The following SEC22C variants were observed in gnomAD, a reference collection of about 807,000 sequenced individuals.
The protein encoded by SEC22C is SEC22 homolog C, vesicle trafficking protein, also known as vesicle-trafficking protein SEC22c.
In SEC22C, 29 loss-of-function variants were observed where a neutral mutation model predicts 34.7. That is an observed-to-expected ratio of 0.84 (90% CI 0.62 to 1.14). The LOEUF is 1.14. Ranked by LOEUF, SEC22C falls within the 50% of genes most tolerant of loss-of-function variation. The pLI, the probability that SEC22C is intolerant of heterozygous loss-of-function variation, is 0.00. For synonymous variants in SEC22C, 117 were observed against 132.8 expected, an observed-to-expected ratio of 0.88 and a Z score of 0.82; for missense variants, 337 against 369.0, an observed-to-expected ratio of 0.91 and a Z score of 0.71.
chr3:42,571,916 C>T (rs977753796), intron 1 of SEC22C, among the ~76,000 whole-genome samples: 1 of 152,132 alleles, frequency 6.6e-6, no homozygotes, highest in African/African-American at 2.4e-5. Context: ...ACCTGTAATC[C>T]CAGCTACTCA....
At chr3:42,591,444 C>T (rs1704836424) in intron 1 of SEC22C, 16 of 982,214 alleles carry the variant, frequency 1.6e-5, no homozygotes, top group Non-Finnish European at 2.6e-5. Context: ...CCGCCTAGAT[C>T]GGCCTCCCAA....
At position 42,552,324 on chromosome 3, in the gene SEC22C, A is replaced by G. The variant is rs1369791211; in HGVS notation, c.*924T>C. 1 of 985,302 alleles carries G rather than the reference A, an allele frequency of 1.0e-6. No homozygotes were observed. The highest frequency in any genetic ancestry group is 1.2e-6 in the Non-Finnish European group (1 of 829,932). The allele number at this position is 985,302 out of a possible 1,614,324, so 61.0% of individuals were successfully genotyped here. A position where few individuals can be genotyped will look rare whatever the true frequency, so the allele number is the denominator to read the frequency against. On this transcript the variant is annotated 3_prime_UTR_variant, in exon 7 of 7. Coordinates refer to ENST00000264454, the MANE Select transcript of SEC22C (RefSeq NM_032970.4). Reference sequence around the variant, plus strand: ...CAGGGTACAGTAGTCATCATCATTAAAACAACAGGCACTCAGCTCTACTGA... The same window carrying G: ...CAGGGTACAGTAGTCATCATCATTAGAACAACAGGCACTCAGCTCTACTGA...
chr3:42,588,362 A>C (rs1704693433), intron 1 of SEC22C, among the ~76,000 whole-genome samples: 2 of 152,090 alleles, frequency 1.3e-5, no homozygotes, highest in African/African-American at 4.8e-5. Flanking sequence ...CTGAGATTGC[A>C]CCAATGCACT....
At chr3:42,583,479 A>C (rs1704501488), upstream of SEC22C, among the ~76,000 whole-genome samples, 1 of 152,232 alleles carries the variant, frequency 6.6e-6, no homozygotes, top group Non-Finnish European at 1.5e-5. Flanking sequence ...ACACTGGAAG[A>C]GGAGATAAGA....
intron 1 of SEC22C, among the ~76,000 whole-genome samples, chr3:42,578,873 C>T (rs549116096): frequency 8.9e-4 from 136 of 152,172 alleles, no homozygotes; most frequent in Non-Finnish European, 1.6e-3. Context: ...CTGAAGGGCA[C>T]ACTTTATAGT....
intron 2 of SEC22C, 150 bp from the exon 3 acceptor site, chr3:42,563,836 C>G: frequency 6.6e-7 from 1 of 1,520,890 alleles, no homozygotes; most frequent in Non-Finnish European, 8.8e-7. Flanking sequence ...CTCTTCAGTT[C>G]GACCTATTCC....
intron 1 of SEC22C, chr3:42,579,720 C>T (rs986349637): frequency 2.0e-5 from 3 of 152,250 alleles, no homozygotes; most frequent in African/African-American, 7.2e-5. Flanking sequence ...CCAGATCTTA[C>T]CAGATCCTTC....
At chr3:42,554,813 C>A (rs1303112391) in intron 6 of SEC22C, among the ~76,000 whole-genome samples, 1 of 152,186 alleles carries the variant, frequency 6.6e-6, no homozygotes. Flanking sequence ...CACGCTTTCA[C>A]TAGAATTAAC....
intron 1 of SEC22C, chr3:42,573,693 T>C (rs1345119187): frequency 6.6e-6 from 1 of 152,004 alleles, no homozygotes; most frequent in Non-Finnish European, 1.5e-5. Flanking sequence ...AAGTAATTAA[T>C]TAACTAAAGT....
At chr3:42,582,711 T>C (rs1460745001), upstream of SEC22C, among the ~76,000 whole-genome samples, 1 of 152,052 alleles carries the variant, frequency 6.6e-6, no homozygotes, top group Non-Finnish European at 1.5e-5. Context: ...TTTGGGAGAA[T>C]TTACAGAAGC....
In SEC22C at chr3:42,551,188, C is replaced by G; in HGVS notation, c.*2060G>C. 3 of 985,390 alleles carry G rather than the reference C, an allele frequency of 3.0e-6. No individual in the cohort carries two copies. The highest frequency in any genetic ancestry group is 3.6e-6 in the Non-Finnish European group (3 of 829,920). 61.0% of individuals were successfully genotyped at this position (985,390 alleles called of 1,614,324 possible). A position where few individuals can be genotyped will look rare whatever the true frequency, so the allele number is the denominator to read the frequency against. ...TCATTTAAAACATTTTACCTCCCCT[C>G]CTTAACTTCCCATTCTATTTCACCA... On this transcript the variant is annotated 3_prime_UTR_variant, in exon 7 of 7. Coordinates refer to ENST00000264454, the MANE Select transcript of SEC22C (RefSeq NM_032970.4).
rs774859518 is a variant in SEC22C at position 42,553,308 on chromosome 3, C to T, written c.852G>A (p.Leu284=). ...GCCTTGTTAGTATCTGATATGAAGA[C>T]AGAAAAGCCACTCCTATGTGGAAAA... is the stretch of plus-strand genomic sequence containing the variant. The part of the protein sequence containing the change: ...QILFHIGVAF[L]SSYQILTRQL... The change falls in exon 7 of 7, where the codon CTG becomes CTA. Residue 284 remains leucine (L), a synonymous_variant. Coordinates refer to ENST00000264454, the MANE Select transcript of SEC22C (RefSeq NM_032970.4). 2.5e-6 allele frequency: 4 copies of T among 1,614,144 alleles called. No homozygotes were observed. The South Asian group carries it at 4.4e-5, about 18-fold the overall frequency.
At chr3:42,591,555 T>A in intron 1 of SEC22C, 1 of 1,614,008 alleles carries the variant, frequency 6.2e-7, no homozygotes, top group South Asian at 1.1e-5. Flanking sequence ...GCTGATCCGC[T>A]GTATTGTGGA....
intron 1 of SEC22C, chr3:42,590,888 G>T: frequency 6.2e-7 from 1 of 1,611,414 alleles, no homozygotes; most frequent in South Asian, 1.1e-5. Context: ...GGTTCCGGAG[G>T]TTCCTCGGGA....
rs1704992750 is a variant in SEC22C at position 42,595,164 on chromosome 3, G to GT, written c.-28+5795dup. The GT allele has an allele frequency of 2.0e-5, 3 of 152,160 alleles. No homozygotes were observed. In the South Asian group the frequency reaches 6.2e-4, roughly 32 times the overall value. 9.4% of individuals were successfully genotyped at this position (152,160 alleles called of 1,614,324 possible). A position where few individuals can be genotyped will look rare whatever the true frequency, so the allele number is the denominator to read the frequency against. ...CTAATATCATCTGATAATAGATGAT[G>GT]TTTAATTTTCTTCAGTTATCAGATA... On this transcript the variant is annotated intron_variant, in intron 1 of 6. Coordinates refer to the SEC22C transcript ENST00000417572.
At position 42,550,916 on chromosome 3, in the gene SEC22C, T is replaced by G; in HGVS notation, c.*2332A>C. On this transcript the variant is annotated 3_prime_UTR_variant, in exon 7 of 7. Transcript: ENST00000264454. Reference sequence around the variant, plus strand: ...ACGGAGTCTTGCTTTGTCACCAGGCTGGAGTGCAGTGGCTCGATCTCGGCT... The same window carrying G: ...ACGGAGTCTTGCTTTGTCACCAGGCGGGAGTGCAGTGGCTCGATCTCGGCT... 1 of 923,964 alleles carries G rather than the reference T, an allele frequency of 1.1e-6. No homozygotes were observed. The highest frequency in any genetic ancestry group is 1.3e-6 in the Non-Finnish European group (1 of 776,260). The allele number at this position is 923,964 out of a possible 1,614,324, so 57.2% of individuals were successfully genotyped here. A position where few individuals can be genotyped will look rare whatever the true frequency, so the allele number is the denominator to read the frequency against.
In SEC22C at chr3:42,552,796, A is replaced by C. The variant is rs990879545; in HGVS notation, c.*452T>G. 5.9e-6 allele frequency: 6 copies of C among 1,009,606 alleles called. No individual in the cohort carries two copies. The highest frequency in any genetic ancestry group is 7.1e-6 in the Non-Finnish European group (6 of 845,454). 62.5% of individuals were successfully genotyped at this position (1,009,606 alleles called of 1,614,324 possible). A position where few individuals can be genotyped will look rare whatever the true frequency, so the allele number is the denominator to read the frequency against. ...TTTTTAGGTTTTTAATTCATCCTGT[A>C]CTGACCCTCTGAAAAAAAAAACTAA... On this transcript the variant is annotated 3_prime_UTR_variant, in exon 7 of 7. Transcript: ENST00000264454.
At chr3:42,568,733 A>C in intron 2 of SEC22C, 132 bp downstream of exon 2, 1 of 719,192 alleles carries the variant, frequency 1.4e-6, no homozygotes, top group Non-Finnish European at 2.3e-6. Flanking sequence ...TTGTAGACAC[A>C]CATGATCTCA....
In SEC22C at chr3:42,564,754, G is replaced by GTGTTT. The variant is rs372871236; in HGVS notation, c.183-1073_183-1069dup. Among the ~76,000 whole-genome samples, 749 of 152,196 alleles carry GTGTTT rather than the reference G, an allele frequency of 4.9e-3. 9 individuals carry two copies. The highest frequency in any genetic ancestry group is 0.041 in the East Asian group (212 of 5,172). On this transcript the variant is annotated intron_variant, in intron 2 of 6. Transcript: ENST00000264454. ...GACAAGAACTTTCCTTTATGCAAGAGTGTTTTGTTTTGTTTTGTTTTGACA... is the reference window on the plus strand; with the variant it reads ...GACAAGAACTTTCCTTTATGCAAGAGTGTTTTGTTTTGTTTTGTTTTGTTTTGACA...
Sources: allele counts gnomAD v4.1 joint callset (sites outside exome capture counted in the v4.1 genomes callset), GRCh38; gene constraint gnomAD v4.1.1; transcripts MANE v1.5; gene names NCBI Gene and HGNC (gene_info 2026-07-23, HGNC 2026-07-21).